MRPL21: variants seen among roughly 807,000 people sequenced by gnomAD.
The protein encoded by MRPL21 is large ribosomal subunit protein bL21m.
In MRPL21, 20 loss-of-function variants were observed where a neutral mutation model predicts 27.3. That is an observed-to-expected ratio of 0.73 (90% CI 0.52 to 1.06). The LOEUF (loss-of-function observed/expected upper bound fraction) is 1.06, where lower values mean the gene tolerates loss of function less well. Among genes scored for constraint, MRPL21 ranks in the 50% least tolerant of loss-of-function variants. The pLI, the probability that MRPL21 is intolerant of heterozygous loss-of-function variation, is 0.00. For synonymous variants in MRPL21, 98 were observed against 101.5 expected (o/e 0.97, Z 0.21); for missense variants, 249 against 251.4 (o/e 0.99, Z 0.06).
intron 2 of MRPL21, among the ~76,000 whole-genome samples, chr11:68,899,730 A>T (rs636049): frequency 2.6e-5 from 4 of 151,988 alleles, no homozygotes; most frequent in Non-Finnish European, 4.4e-5. Flanking sequence ...TCCTATGCTC[A>T]GAATGTTTTG....
chr11:68,897,210 C>T (rs1857816609), intron 3 of MRPL21, among the ~76,000 whole-genome samples: 1 of 152,162 alleles, frequency 6.6e-6, no homozygotes, highest in Non-Finnish European at 1.5e-5. Flanking sequence ...GTGCTCAGTT[C>T]CTGTTATCTC....
At chr11:68,891,553 C>T (rs541100398) in intron 6 of MRPL21, 158 bp from the exon 7 acceptor site, 66 of 718,442 alleles carry the variant, frequency 9.2e-5, no homozygotes, top group Admixed American at 1.9e-4. Context: ...CTGACTGCCT[C>T]GCTAGCTTGT....
Position 68,891,285 on chromosome 11 carries a change from G to A in MRPL21, c.*46C>T. 3.2e-6 allele frequency: 5 copies of A among 1,582,014 alleles called. No individual in the cohort carries two copies. In the South Asian group the frequency reaches 4.4e-5, roughly 14 times the overall value. ...GAACACAGAAACCTGGTCTCCTTGGGAAGCAGGAGTTTATTTTTATCCTTT... is the reference window on the plus strand; with the variant it reads ...GAACACAGAAACCTGGTCTCCTTGGAAAGCAGGAGTTTATTTTTATCCTTT... On this transcript the variant is annotated 3_prime_UTR_variant, in exon 7 of 7. Transcript: ENST00000362034.
chr11:68,895,935 TC>T (rs34618141), intron 4 of MRPL21, among the ~76,000 whole-genome samples: 1 of 152,098 alleles, frequency 6.6e-6, no homozygotes. Flanking sequence ...CACCTTGGCC[TC>T]CCAATGTGGT....
chr11:68,891,933 C>G, intron 6 of MRPL21: 1 of 587,034 alleles, frequency 1.7e-6, no homozygotes, highest in Non-Finnish European at 2.7e-6. Context: ...AGGATGCCCA[C>G]TATGGGGGAT....
intron 2 of MRPL21, 28 bp downstream of exon 2, chr11:68,900,520 G>C: frequency 6.2e-7 from 1 of 1,601,938 alleles, no homozygotes; most frequent in Non-Finnish European, 8.5e-7. Context: ...AAGGAAAAGA[G>C]GCACCAAAAC....
chr11:68,897,227 G>C (rs990779725), intron 3 of MRPL21, among the ~76,000 whole-genome samples: 3 of 152,106 alleles, frequency 2.0e-5, no homozygotes, highest in Admixed American at 6.6e-5. Context: ...TCTCTGCTCT[G>C]ACCCAGGTCA....
At chr11:68,903,582 G>T in intron 1 of MRPL21, 141 bp downstream of exon 1, 1 of 828,534 alleles carries the variant, frequency 1.2e-6, no homozygotes, top group Non-Finnish European at 1.9e-6. Context: ...GGGTTCCCCC[G>T]ACTCCAAAAC....
intron 6 of MRPL21, chr11:68,891,891 A>T (rs1857654337): frequency 2.0e-6 from 1 of 488,348 alleles, no homozygotes; most frequent in Non-Finnish European, 3.5e-6. Context: ...CCGCTCAGCT[A>T]TGTGGCCCAT....
At position 68,900,620 on chromosome 11, in the gene MRPL21, G is replaced by C; in HGVS notation, c.89-15C>G. ...CCAAAGGGAGGCTGAGGGAAGAAGA[G>C]AAACACAGATCATTACCATTAATAC... On this transcript the variant is annotated splice_polypyrimidine_tract_variant and intron_variant, in intron 1 of 6. Transcript: ENST00000362034. 1 of 1,607,640 alleles carries C rather than the reference G, an allele frequency of 6.2e-7. No homozygotes were observed. Among genetic ancestry groups the C allele is most frequent in the Non-Finnish European group, 8.5e-7 (1 of 1,174,136 alleles).
chr11:68,898,145 C>T (rs565069727), intron 2 of MRPL21, 133 bp from the exon 3 acceptor site: 41 of 736,204 alleles, frequency 5.6e-5, no homozygotes, highest in African/African-American at 4.3e-4. Flanking sequence ...GGACAGGCCC[C>T]GCCCCTCTGG....
At position 68,903,764 on chromosome 11, in the gene MRPL21, G is replaced by A; in HGVS notation, c.47C>T (p.Ala16Val). ...LTVTLGRLAS[A>V]CSHSILRPSG... ...AGGTCTCAGGATGCTGTGGCTGCAC[G>A]CGGACGCCAGCCGCCCTAAGGTGAC... The change falls in exon 1 of 7, where the codon GCG becomes GTG. Residue 16 changes from alanine to valine, a missense_variant. Physicochemically the swap from Ala to Val is moderately conservative, Grantham distance 64 (BLOSUM62 0). Transcript: ENST00000362034. The A allele has an allele frequency of 2.5e-6, 4 of 1,613,102 alleles. No individual in the cohort carries two copies. The highest frequency in any genetic ancestry group is 3.4e-6 in the Non-Finnish European group (4 of 1,180,022).
rs1857689471 is a variant in MRPL21, at chr11:68,892,980, GAAC to G, written c.460_462del (p.Val154del). 6.3e-7 allele frequency: 1 copy of G among 1,597,164 alleles called. No homozygotes were observed. The highest frequency in any genetic ancestry group is 1.3e-5 in the African/African-American group (1 of 74,100). The stretch of plus-strand genomic sequence containing the variant: ...TTTTCAATGACTGTGGCTTCTACTC[GAAC>G]AAGATCCTTTCTAGAAGGAAGAAAA... On this transcript the variant is annotated inframe_deletion, in exon 6 of 7. Transcript: ENST00000362034.
chr11:68,896,713 T>C (rs1857800948), intron 3 of MRPL21, 35 bp from the exon 4 acceptor site: 2 of 1,610,906 alleles, frequency 1.2e-6, no homozygotes, highest in Non-Finnish European at 1.7e-6. Context: ...GCAGTCACCC[T>C]CACCTGCTCC....
chr11:68,900,536 T>G lies in MRPL21; in HGVS notation c.146+12A>C. On this transcript the variant is annotated intron_variant, in intron 2 of 6. Coordinates refer to ENST00000362034, the MANE Select transcript of MRPL21 (RefSeq NM_181514.2). ...AGGAAAAGAGGCACCAAAACCCACATTTTGATATTACCCTGGTAGATATGA... is the reference window on the plus strand; with the variant it reads ...AGGAAAAGAGGCACCAAAACCCACAGTTTGATATTACCCTGGTAGATATGA... 1 of 1,612,552 alleles carries G rather than the reference T, an allele frequency of 6.2e-7. No homozygotes were observed.
chr11:68,897,200 G>A (rs960888351), intron 3 of MRPL21, among the ~76,000 whole-genome samples: 2 of 152,138 alleles, frequency 1.3e-5, no homozygotes, highest in Admixed American at 6.5e-5. Flanking sequence ...GAGGGGCTCC[G>A]TGCTCAGTTC....
intron 6 of MRPL21, chr11:68,891,913 G>T: frequency 3.9e-6 from 2 of 512,524 alleles, no homozygotes; most frequent in Non-Finnish European, 6.5e-6. Flanking sequence ...CCCCGTGGGT[G>T]CCATCCCTCA....
At chr11:68,903,229 A>T (rs1858013392) in intron 1 of MRPL21, among the ~76,000 whole-genome samples, 1 of 152,200 alleles carries the variant, frequency 6.6e-6, no homozygotes, top group Non-Finnish European at 1.5e-5. Context: ...GCAGAGATTT[A>T]TAGAGTTTTT....
chr11:68,897,587 C>T (rs542888375), intron 3 of MRPL21: 28 of 317,676 alleles, frequency 8.8e-5, no homozygotes, highest in African/African-American at 4.4e-4. Flanking sequence ...TCCAACAGCC[C>T]GGGTGGCACC....
Sources: allele counts gnomAD v4.1 joint callset (sites outside exome capture counted in the v4.1 genomes callset), GRCh38; gene constraint gnomAD v4.1.1; transcripts MANE v1.5; gene names NCBI Gene and HGNC (gene_info 2026-07-23, HGNC 2026-07-21).